Variants in SIN3B observed in about 807,000 individuals in gnomAD.
The protein encoded by SIN3B is SIN3 transcription regulator family member B, also known as paired amphipathic helix protein Sin3b.
A neutral mutation model predicts 120.2 loss-of-function variants in SIN3B; 19 were observed. The observed-to-expected ratio is 0.16, with a 90% CI of 0.11 to 0.23. The LOEUF (loss-of-function observed/expected upper bound fraction) is 0.23. SIN3B is among the 10% of genes least tolerant of loss of function. The pLI, the probability that SIN3B is intolerant of heterozygous loss-of-function variation, is 1.00. For missense variants in SIN3B, 1,073 were observed against 1,573.0 expected (o/e 0.68, Z 5.38); for synonymous variants, 654 against 653.2 (o/e 1.00, Z -0.02).
rs1971421101 is a variant in SIN3B, at chr19:16,841,842, G to C, written c.456G>C (p.Gln152His). The change falls in exon 4 of 19, where the codon CAG becomes CAC. Residue 152 changes from glutamine to histidine, a missense_variant. Gln to His is a conservative substitution (Grantham distance 24). Around this residue, in one of 7 missense-constraint regions of SIN3B, gnomAD observed 395 missense variants for 528.0 expected, o/e 0.75. Coordinates refer to ENST00000248054, the MANE Select transcript of SIN3B (RefSeq NM_001297595.2). ...QQVPYKEDKPQVPLESDSVEF... is the reference protein window; with the variant it reads ...QQVPYKEDKPHVPLESDSVEF... ...TGCCGTATAAAGAGGACAAACCCCAGGTGCCCCTGGAGTCCGATTCCGTGG... is the reference window on the plus strand; with the variant it reads ...TGCCGTATAAAGAGGACAAACCCCACGTGCCCCTGGAGTCCGATTCCGTGG... 7 of 1,613,926 alleles carry C rather than the reference G, an allele frequency of 4.3e-6. No individual in the cohort carries two copies. In the Admixed American group the frequency reaches 8.3e-5, roughly 19 times the overall value.
In SIN3B at chr19:16,857,553, G is replaced by GTGTGTGTGTGTGTATA. The variant is rs66778532; in HGVS notation, c.1058+3293_1058+3294insGTGTGTGTGTGTATAT. Reference sequence around the variant, plus strand: ...TGTGTGTGTGTGTGTGTGTGTGTGTGTATATATACACATAAACATTTTTCT... The same window carrying GTGTGTGTGTGTGTATA: ...TGTGTGTGTGTGTGTGTGTGTGTGTGTGTGTGTGTGTGTATATATATATACACATAAACATTTTTCT... On this transcript the variant is annotated intron_variant, in intron 8 of 18. Transcript: ENST00000248054. Among the ~76,000 whole-genome samples, 371 of 139,530 alleles carry GTGTGTGTGTGTGTATA rather than the reference G, an allele frequency of 2.7e-3. 2 individuals are homozygous for GTGTGTGTGTGTGTATA. Among genetic ancestry groups the GTGTGTGTGTGTGTATA allele is most frequent in the Middle Eastern group, 0.014 (4 of 276 alleles). The allele number at this position is 139,530 out of a possible 152,430, so 91.5% of individuals were successfully genotyped here. A position where few individuals can be genotyped will look rare whatever the true frequency, so the allele number is the denominator to read the frequency against.
chr19:16,838,905 C>G (rs979021308), intron 3 of SIN3B, among the ~76,000 whole-genome samples: 13 of 147,290 alleles, frequency 8.8e-5, no homozygotes, highest in African/African-American at 3.3e-4. Context: ...AACTCCTGAC[C>G]TCGTGATCCG....
At position 16,860,136 on chromosome 19, in the gene SIN3B, A is replaced by T. The variant is rs576714154; in HGVS notation, c.1059-2216A>T. 8.5e-5 allele frequency among the ~76,000 whole-genome samples: 13 copies of T among 152,252 alleles called. No homozygotes were observed. In the East Asian group the frequency reaches 2.3e-3, roughly 27 times the overall value. On this transcript the variant is annotated intron_variant, in intron 8 of 18. Transcript: ENST00000248054. ...GGCGTTTGGGGAAGGGTCTGTATGG[A>T]GCAAGGTCCAGAATTGAAGCGGGCC...
intron 6 of SIN3B, among the ~76,000 whole-genome samples, chr19:16,851,829 G>A (rs117657074): frequency 6.6e-6 from 1 of 152,220 alleles, no homozygotes; most frequent in Non-Finnish European, 1.5e-5. Context: ...TCACCCTCAG[G>A]ACTCTCTCAC....
intron 8 of SIN3B, 136 bp downstream of exon 8, chr19:16,854,397 T>C: frequency 6.5e-6 from 4 of 617,718 alleles, no homozygotes; most frequent in Non-Finnish European, 8.5e-6. Context: ...GTGATTGATA[T>C]AATTATTGAT....
chr19:16,868,943 T>C (rs556418534), intron 12 of SIN3B, among the ~76,000 whole-genome samples: 79 of 152,166 alleles, frequency 5.2e-4, no homozygotes, highest in Non-Finnish European at 9.6e-4. Context: ...GGGTAGTAGA[T>C]GGAGGGCAGA....
chr19:16,876,338 T>C lies in SIN3B; in HGVS notation c.2766+110T>C, dbSNP rs2051606574. The C allele has an allele frequency of 7.1e-7, 1 of 1,410,480 alleles. No homozygotes were observed. The highest frequency in any genetic ancestry group is 9.7e-7 in the Non-Finnish European group (1 of 1,034,822). The allele number at this position is 1,410,480 out of a possible 1,614,324, so 87.4% of individuals were successfully genotyped here. A position where few individuals can be genotyped will look rare whatever the true frequency, so the allele number is the denominator to read the frequency against. ...TCAGCGGCTGGGACACCGGCCCTGC[T>C]GCAGAGCCCATGAGGTACCTTTGAC... On this transcript the variant is annotated intron_variant, in intron 15 of 18. Transcript: ENST00000248054. This position sits in a 1 kb window ranked among gnomAD's most constrained non-coding sequence, Gnocchi z 7.1.
Position 16,862,384 on chromosome 19 carries a change from C to G in SIN3B, c.1091C>G (p.Ser364Cys). ...KFPELFAQFK[S>C]FLGVKELSFA... The stretch of plus-strand genomic sequence containing the variant: ...CCAGAACTCTTTGCACAGTTCAAGT[C>G]CTTCCTGGGGGTAAAAGAGCTGTCC... The change falls in exon 9 of 19, where the codon TCC becomes TGC. Residue 364 changes from serine (S) to cysteine (C), a missense_variant. Ser to Cys is a moderately radical substitution (Grantham distance 112). Transcript: ENST00000248054. This position sits in a 1 kb window ranked among gnomAD's most constrained non-coding sequence, Gnocchi z 4.7. 1 of 1,614,190 alleles carries G rather than the reference C, an allele frequency of 6.2e-7. No homozygotes were observed. The highest frequency in any genetic ancestry group is 1.3e-5 in the African/African-American group (1 of 75,056).
Position 16,829,469 on chromosome 19 carries a change from G to A in SIN3B, c.49G>A (p.Ala17Thr). ...CGGTGGCAGCGGTGCCGGCGGCCCCGCGGGCCGGGGGCTGAGCGGCGCCCG... is the reference window on the plus strand; with the variant it reads ...CGGTGGCAGCGGTGCCGGCGGCCCCACGGGCCGGGGGCTGAGCGGCGCCCG... Reference protein sequence around the residue: ...GSGGSGAGGPAGRGLSGARWG... With the variant: ...GSGGSGAGGPTGRGLSGARWG... Residue 17 changes from alanine (A) to threonine (T), a missense_variant, in exon 1 of 19, where the codon GCG becomes ACG. Around this residue, in one of 7 missense-constraint regions of SIN3B, gnomAD observed 395 missense variants for 528.0 expected, o/e 0.75. Transcript: ENST00000248054. The A allele has an allele frequency of 8.2e-7, 1 of 1,217,414 alleles. No homozygotes were observed. The highest frequency in any genetic ancestry group is 1.0e-6 in the Non-Finnish European group (1 of 978,580). 75.4% of individuals were successfully genotyped at this position (1,217,414 alleles called of 1,614,324 possible).
chr19:16,860,751 G>A (rs905038832), intron 8 of SIN3B, among the ~76,000 whole-genome samples: 2 of 151,878 alleles, frequency 1.3e-5, no homozygotes, highest in Admixed American at 1.3e-4. Context: ...ACAGGCGCCC[G>A]CCACCACGCC....
chr19:16,860,376 A>G (rs1431938397), intron 8 of SIN3B, among the ~76,000 whole-genome samples: 4 of 152,156 alleles, frequency 2.6e-5, no homozygotes, highest in Admixed American at 2.6e-4. Flanking sequence ...CGTTTATCCC[A>G]GCAGTAGCCT....
At position 16,877,655 on chromosome 19, in the gene SIN3B, A is replaced by C. The variant is rs369401670; in HGVS notation, c.2954+16A>C. ...TCCTGCAGAGGTAAGAGGCCCTGAGATGCATGCTCTGTTCCTTCCTTCCTG... is the reference window on the plus strand; with the variant it reads ...TCCTGCAGAGGTAAGAGGCCCTGAGCTGCATGCTCTGTTCCTTCCTTCCTG... On this transcript the variant is annotated intron_variant, in intron 17 of 18. Transcript: ENST00000248054. The C allele has an allele frequency of 1.3e-6, 2 of 1,560,790 alleles. No homozygotes were observed. The highest frequency in any genetic ancestry group is 3.5e-5 in the Admixed American group (2 of 57,328).
chr19:16,874,759 AGTTTGGTTGGTTTTG>A (rs1300201769), intron 14 of SIN3B, among the ~76,000 whole-genome samples: 1 of 134,006 alleles, frequency 7.5e-6, no homozygotes, highest in Non-Finnish European at 1.6e-5. Context: ...AATCTGGTCT[AGTTTGGTTGGTTTTG>A]GTTTGGTCTG....
chr19:16,829,635 C>T (rs1971251788), intron 1 of SIN3B, 95 bp downstream of exon 1: 1 of 1,183,904 alleles, frequency 8.4e-7, no homozygotes. Context: ...CCAGCCCCAC[C>T]TCGGCCTCCC....
chr19:16,858,721 G>A (rs761790513), intron 8 of SIN3B, among the ~76,000 whole-genome samples: 12 of 151,942 alleles, frequency 7.9e-5, no homozygotes, highest in South Asian at 4.2e-4. Context: ...AGGCTGAGGC[G>A]GGTGGATCAC....
At position 16,868,627 on chromosome 19, in the gene SIN3B, G is replaced by A. The variant is rs374884505; in HGVS notation, c.1807-833G>A. Among the ~76,000 whole-genome samples, 20 of 152,354 alleles carry A rather than the reference G, an allele frequency of 1.3e-4. No individual in the cohort carries two copies. In the South Asian group the frequency reaches 3.5e-3, roughly 27 times the overall value. ...GGGCATGTGCAAAGGCCCTGCACAC[G>A]CAGGAGGGAGCTTGGCGCGGTGAGG... On this transcript the variant is annotated intron_variant, in intron 12 of 18. Transcript: ENST00000248054.
In SIN3B at chr19:16,869,562, A is replaced by C; in HGVS notation, c.1909A>C (p.Ile637Leu). 3 of 1,613,920 alleles carry C rather than the reference A, an allele frequency of 1.9e-6. No homozygotes were observed. Among genetic ancestry groups the C allele is most frequent in the Non-Finnish European group, 2.5e-6 (3 of 1,180,036 alleles). ...RQILEDAAAL[I>L]SYYVKRQPAI... ...GATCCTGGAGGACGCAGCAGCGCTC[A>C]TCAGCTACTACGTGAAGCGGCAGCC... is the stretch of plus-strand genomic sequence containing the variant. The change falls in exon 13 of 19, where the codon ATC becomes CTC. Residue 637 changes from isoleucine (I) to leucine (L), a missense_variant. Around this residue, in one of 7 missense-constraint regions of SIN3B, gnomAD observed 169 missense variants for 207.3 expected, o/e 0.82. Transcript: ENST00000248054.
Position 16,878,730 on chromosome 19 carries a change from C to A in SIN3B, c.*3C>A. The A allele has an allele frequency of 6.3e-7, 1 of 1,592,380 alleles. No individual in the cohort carries two copies. Among genetic ancestry groups the A allele is most frequent in the Non-Finnish European group, 8.5e-7 (1 of 1,172,708 alleles). ...GCCGCCGCCCGGCCTCGCCCTGACC[C>A]GCCCTCATGGGCACCGGGCAGGCGC... is the stretch of plus-strand genomic sequence containing the variant. On this transcript the variant is annotated 3_prime_UTR_variant, in exon 19 of 19. Coordinates refer to ENST00000248054, the MANE Select transcript of SIN3B (RefSeq NM_001297595.2).
chr19:16,859,015 GA>G (rs987990291), intron 8 of SIN3B, among the ~76,000 whole-genome samples: 3 of 152,130 alleles, frequency 2.0e-5, no homozygotes, highest in African/African-American at 7.2e-5. Context: ...AAACTAGCCA[GA>G]AGTGGTGGCG....
Sources: allele counts gnomAD v4.1 joint callset (sites outside exome capture counted in the v4.1 genomes callset), GRCh38; gene constraint gnomAD v4.1.1; regional missense constraint gnomAD v4.1.1; non-coding constraint Gnocchi (gnomAD v3.1); transcripts MANE v1.5; gene names NCBI Gene and HGNC (gene_info 2026-07-23, HGNC 2026-07-21).